The following TIAM2 variants were observed in gnomAD, a reference collection of about 807,000 sequenced individuals.
TIAM2 encodes rho guanine nucleotide exchange factor TIAM2.
Under a neutral mutation model 152.9 loss-of-function variants are expected in TIAM2, and 80 were observed. The ratio of observed to expected loss-of-function variants is 0.52; its 90% CI spans 0.44 to 0.63. The LOEUF is 0.63. TIAM2 is among the 30% of genes least tolerant of loss of function. The pLI is 0.00. For missense variants in TIAM2, 1,965 were observed against 2,120.1 expected (o/e 0.93, Z 1.44); for synonymous variants, 804 against 838.0 (o/e 0.96, Z 0.70).
chr6:155,044,817 G>A (rs2114911952), intron 1 of TIAM2, among the ~76,000 whole-genome samples: 1 of 146,372 alleles, frequency 6.8e-6, no homozygotes, highest in East Asian at 2.0e-4. Flanking sequence ...GACAGAGCAA[G>A]ACTCTGTCTC....
At chr6:155,028,000 T>C (rs1206207119) in intron 1 of TIAM2, among the ~76,000 whole-genome samples, 1 of 104,408 alleles carries the variant, frequency 9.6e-6, no homozygotes, top group Non-Finnish European at 2.0e-5. Context: ...ATATATACTA[T>C]ATATAATATA....
Position 155,186,302 on chromosome 6 carries a change from T to A in TIAM2, c.3064+2802T>A, listed in dbSNP as rs559646320. ...GGATGCTACCCCAGCCTCTTTACCC[T>A]GGTGGAAACGGTTCTGAGGTGCAGT... is the stretch of plus-strand genomic sequence containing the variant. On this transcript the variant is annotated intron_variant, in intron 14 of 26. Coordinates refer to ENST00000682666, the MANE Select transcript of TIAM2 (RefSeq NM_012454.4). The surrounding 1 kb of genome is among the most constrained non-coding windows in gnomAD (Gnocchi z 4.5). Among the ~76,000 whole-genome samples, 89 of 152,268 alleles carry A rather than the reference T, an allele frequency of 5.8e-4. No homozygotes were observed. Among genetic ancestry groups the A allele is most frequent in the Non-Finnish European group, 1.1e-3 (76 of 68,004 alleles).
At chr6:155,160,369 G>A (rs1445910572) in intron 7 of TIAM2, among the ~76,000 whole-genome samples, 1 of 152,162 alleles carries the variant, frequency 6.6e-6, no homozygotes, top group African/African-American at 2.4e-5. Context: ...CAACAGATTG[G>A]ATGAGGCCCA....
chr6:155,165,967 C>T, intron 9 of TIAM2, among the ~76,000 whole-genome samples: 1 of 152,104 alleles, frequency 6.6e-6, no homozygotes, highest in Admixed American at 6.5e-5. Context: ...AAATAATCCA[C>T]ACTTTTCCTT....
rs775119632 is a variant in TIAM2 at position 155,129,586 on chromosome 6, C to T, written c.363C>T (p.His121=). 2.5e-5 allele frequency: 40 copies of T among 1,613,980 alleles called. No individual in the cohort carries two copies. The highest frequency in any genetic ancestry group is 7.7e-5 in the South Asian group (7 of 91,074). ...AGAATGGCTTCCACTCTGTTGGCCA[C>T]GAGCTGGCAGATAACCACATCACCT... The part of the protein sequence containing the change: ...STENGFHSVG[H]ELADNHITSR... Residue 121 remains histidine, a synonymous_variant, in exon 4 of 27, where the codon CAC becomes CAT. Transcript: ENST00000682666. This position sits in a 1 kb window ranked among gnomAD's most constrained non-coding sequence, Gnocchi z 4.8.
chr6:155,245,071 A>G (rs560195327), intron 18 of TIAM2, among the ~76,000 whole-genome samples: 74 of 152,316 alleles, frequency 4.9e-4, no homozygotes, highest in African/African-American at 1.7e-3. Context: ...AAGGATATCC[A>G]AGGTGGTTGC....
chr6:155,245,574 C>T (rs181286243), intron 18 of TIAM2, 49 bp from the exon 19 acceptor site: 34 of 1,451,728 alleles, frequency 2.3e-5, no homozygotes, highest in African/African-American at 8.4e-5. Flanking sequence ...TAAGCCAGCA[C>T]GCATTGATTA....
intron 16 of TIAM2, among the ~76,000 whole-genome samples, chr6:155,242,273 C>T (rs533461272): frequency 1.7e-4 from 26 of 152,376 alleles, no homozygotes; most frequent in Non-Finnish European, 2.9e-4. Flanking sequence ...CCACACTTGG[C>T]ACCTGTTGTG....
At chr6:155,108,700 T>A (rs1257496805) in intron 2 of TIAM2, among the ~76,000 whole-genome samples, 1 of 152,060 alleles carries the variant, frequency 6.6e-6, no homozygotes. Context: ...AGTTTTCCAG[T>A]GGGTAAGTGG....
intron 1 of TIAM2, 119 bp from the exon 2 acceptor site, chr6:155,090,170 T>G (rs921790099): frequency 2.6e-5 from 4 of 152,222 alleles, no homozygotes; most frequent in African/African-American, 9.6e-5. Flanking sequence ...TTCAGATTCT[T>G]CCTTCTTGTA....
intron 9 of TIAM2, among the ~76,000 whole-genome samples, chr6:155,167,736 A>G (rs1240412847): frequency 6.6e-6 from 1 of 152,104 alleles, no homozygotes; most frequent in African/African-American, 2.4e-5. Context: ...GCCTCAATCC[A>G]TCTTCCCACC....
chr6:155,241,209 G>A (rs1433000500), intron 16 of TIAM2, among the ~76,000 whole-genome samples: 1 of 152,150 alleles, frequency 6.6e-6, no homozygotes, highest in Non-Finnish European at 1.5e-5. Flanking sequence ...CATTATGAAG[G>A]GGCAGTTGCC....
intron 7 of TIAM2, among the ~76,000 whole-genome samples, chr6:155,157,031 T>C (rs1780134831): frequency 6.6e-6 from 1 of 152,236 alleles, no homozygotes; most frequent in Admixed American, 6.5e-5. Flanking sequence ...TCATGATTTC[T>C]TCGTGTGTAA....
chr6:155,030,211 A>C (rs1209997451), intron 1 of TIAM2, among the ~76,000 whole-genome samples: 1 of 152,124 alleles, frequency 6.6e-6, no homozygotes, highest in Non-Finnish European at 1.5e-5. Context: ...AGAGGGAGGC[A>C]AGATAGAGCA....
In TIAM2 at chr6:155,256,769, C is replaced by T; in HGVS notation, c.4754C>T (p.Thr1585Ile). 6.2e-7 allele frequency: 1 copy of T among 1,614,224 alleles called. No homozygotes were observed. The highest frequency in any genetic ancestry group is 8.5e-7 in the Non-Finnish European group (1 of 1,180,046). The part of the protein sequence containing the change: ...HRQTVKQGSP[T>I]KDIEIQFQRL... The stretch of plus-strand genomic sequence containing the variant: ...CAGACTGTGAAGCAGGGCAGCCCTA[C>T]TAAAGACATCGAAATTCAGTTCCAG... The change falls in exon 27 of 27, where the codon ACT becomes ATT. Residue 1585 changes from threonine to isoleucine, a missense_variant. By Grantham distance (89) the Thr-to-Ile change is moderately conservative. Coordinates refer to ENST00000682666, the MANE Select transcript of TIAM2 (RefSeq NM_012454.4).
At chr6:155,187,788 G>A (rs908755301) in intron 14 of TIAM2, among the ~76,000 whole-genome samples, 2 of 151,950 alleles carry the variant, frequency 1.3e-5, no homozygotes, top group African/African-American at 4.8e-5. Flanking sequence ...ATGTTGGTCA[G>A]GCTGGTCTCG....
intron 1 of TIAM2, among the ~76,000 whole-genome samples, chr6:155,013,445 C>T (rs1467187336): frequency 6.6e-6 from 1 of 152,198 alleles, no homozygotes; most frequent in Non-Finnish European, 1.5e-5. Flanking sequence ...CCAACATTTA[C>T]TACATACCTT....
intron 15 of TIAM2, among the ~76,000 whole-genome samples, chr6:155,212,847 C>G (rs921532160): frequency 6.6e-6 from 1 of 152,170 alleles, no homozygotes; most frequent in Non-Finnish European, 1.5e-5. Context: ...CCACCACACA[C>G]AGGCAGGAAT....
At chr6:155,158,772 C>CA (rs1329227653) in intron 7 of TIAM2, among the ~76,000 whole-genome samples, 2 of 117,430 alleles carry the variant, frequency 1.7e-5, no homozygotes, top group Non-Finnish European at 3.6e-5. Context: ...GACCAGGCTG[C>CA]AAGTGTTTTT....
Sources: gnomAD v4.1 joint callset for allele counts (sites outside exome capture counted in the v4.1 genomes callset) on GRCh38, gnomAD v4.1.1 for gene constraint, Gnocchi (gnomAD v3.1) non-coding constraint, MANE v1.5 for transcripts, NCBI Gene and HGNC (gene_info 2026-07-23, HGNC 2026-07-21) for gene names.